The following CALN1 variants were observed in gnomAD, a reference collection of about 807,000 sequenced individuals.
The protein encoded by CALN1 is calcium-binding protein 8.
CALN1 carries 17 observed loss-of-function variants against 30.6 expected under a neutral mutation model. The observed-to-expected ratio is 0.56, with a 90% CI of 0.38 to 0.83. The LOEUF (loss-of-function observed/expected upper bound fraction) is 0.83. Among genes scored for constraint, CALN1 ranks in the 40% least tolerant of loss-of-function variants. The pLI is 0.00. For synonymous variants in CALN1, 156 were observed against 131.4 expected (o/e 1.19, Z -1.28); for missense variants, 291 against 354.9 (o/e 0.82, Z 1.45).
chr7:72,393,923 C>G (rs1230278381), intron 2 of CALN1, among the ~76,000 whole-genome samples: 2 of 152,006 alleles, frequency 1.3e-5, no homozygotes, highest in African/African-American at 4.8e-5. Context: ...CCTCGGAGCA[C>G]TCTTAAATAT....
At chr7:72,085,668 A>C (rs894386326) in intron 4 of CALN1, among the ~76,000 whole-genome samples, 1 of 152,200 alleles carries the variant, frequency 6.6e-6, no homozygotes, top group Non-Finnish European at 1.5e-5. Context: ...GGGGTAATAG[A>C]AATGTTTTAT....
intron 1 of CALN1, among the ~76,000 whole-genome samples, chr7:72,435,015 C>G (rs1176265649): frequency 6.6e-6 from 1 of 152,136 alleles, no homozygotes; most frequent in Non-Finnish European, 1.5e-5. Flanking sequence ...TTACTTGAGG[C>G]TAGGGTTGTG....
chr7:71,935,717 G>A lies in CALN1; in HGVS notation c.501+87940C>T, dbSNP rs368252231. Among the ~76,000 whole-genome samples the A allele has an allele frequency of 9.1e-4, 139 of 151,922 alleles. 2 individuals carry two copies. Among genetic ancestry groups the A allele is most frequent in the African/African-American group, 2.8e-3 (116 of 41,522 alleles). On this transcript the variant is annotated intron_variant, in intron 5 of 6. Transcript: ENST00000395275. ...GCCTGGGCAACAAGAGCGAAACTCC[G>A]TCTCAAAAAACAGAAACAAAAAACA... is the stretch of plus-strand genomic sequence containing the variant.
At chr7:72,484,533 C>T in the CALN1 span, among the ~76,000 whole-genome samples, 2 of 152,170 alleles carry the variant, frequency 1.3e-5, no homozygotes, top group South Asian at 2.1e-4. Flanking sequence ...CAGTCCCCAC[C>T]GCCCGCCCCC....
At chr7:72,195,840 C>T (rs1437877990) in intron 3 of CALN1, among the ~76,000 whole-genome samples, 8 of 151,992 alleles carry the variant, frequency 5.3e-5, no homozygotes, top group African/African-American at 1.4e-4. Flanking sequence ...ATTTAGTCCA[C>T]GAATTGAAAA....
chr7:72,383,980 C>CT (rs1805060991), intron 2 of CALN1, among the ~76,000 whole-genome samples: 1 of 152,220 alleles, frequency 6.6e-6, no homozygotes, highest in East Asian at 1.9e-4. Context: ...AATCATTCTA[C>CT]TATAAAGACA....
At chr7:72,222,581 T>C (rs372088393) in intron 3 of CALN1, among the ~76,000 whole-genome samples, 6 of 152,142 alleles carry the variant, frequency 3.9e-5, no homozygotes, top group South Asian at 2.1e-4. Flanking sequence ...GGGATTACAA[T>C]TGAACATGAG....
At chr7:72,402,567 C>G (rs1440776169) in intron 2 of CALN1, among the ~76,000 whole-genome samples, 1 of 152,162 alleles carries the variant, frequency 6.6e-6, no homozygotes, top group Non-Finnish European at 1.5e-5. Context: ...GTGTTCTATA[C>G]CAAACCACAC....
intron 5 of CALN1, among the ~76,000 whole-genome samples, chr7:71,979,215 A>G (rs1798260946): frequency 6.6e-6 from 1 of 152,156 alleles, no homozygotes; most frequent in Non-Finnish European, 1.5e-5. Context: ...AATTTTTCCT[A>G]GGACTGGGGA....
chr7:72,224,673 C>T (rs374875908), intron 3 of CALN1, among the ~76,000 whole-genome samples: 1 of 151,690 alleles, frequency 6.6e-6, no homozygotes, highest in Non-Finnish European at 1.5e-5. Flanking sequence ...CCCAGCTACT[C>T]GGGAGGCTGA....
At chr7:71,975,467 C>T (rs879449787) in intron 5 of CALN1, among the ~76,000 whole-genome samples, 19 of 152,000 alleles carry the variant, frequency 1.3e-4, no homozygotes, top group African/African-American at 3.9e-4. Context: ...TGTTCTGTTG[C>T]CCGGGCTAGA....
chr7:71,915,886 T>G (rs755394266), intron 5 of CALN1, among the ~76,000 whole-genome samples: 5 of 152,134 alleles, frequency 3.3e-5, no homozygotes, highest in African/African-American at 1.2e-4. Context: ...CTCCCAGGAT[T>G]AGAGGCACCA....
At chr7:72,275,583 G>C (rs1031609840) in intron 3 of CALN1, among the ~76,000 whole-genome samples, 2 of 152,118 alleles carry the variant, frequency 1.3e-5, no homozygotes, top group Non-Finnish European at 2.9e-5. Context: ...CCCTTCCCCA[G>C]GCTGAGAGCC....
At chr7:71,811,407 CTA>C (rs1787950008) in intron 5 of CALN1, among the ~76,000 whole-genome samples, 1 of 150,970 alleles carries the variant, frequency 6.6e-6, no homozygotes, top group Non-Finnish European at 1.5e-5. Context: ...CAAGGTCTTG[CTA>C]TGTTTCCCAG....
intron 3 of CALN1, among the ~76,000 whole-genome samples, chr7:72,162,583 A>G (rs2129544917): frequency 6.6e-6 from 1 of 151,984 alleles, no homozygotes; most frequent in South Asian, 2.1e-4. Context: ...AAAATACAAA[A>G]AAAAAATTAG....
intron 4 of CALN1, among the ~76,000 whole-genome samples, chr7:72,051,181 CA>C (rs1183296673): frequency 1.3e-5 from 2 of 151,596 alleles, no homozygotes; most frequent in Non-Finnish European, 2.9e-5. Flanking sequence ...ATATGATATG[CA>C]TTGTATCAAA....
In CALN1 at chr7:72,301,582, T is replaced by C. The variant is rs542490379; in HGVS notation, c.120-22772A>G. 3.8e-4 allele frequency among the ~76,000 whole-genome samples: 46 copies of C among 121,826 alleles called. No homozygotes were observed. In the South Asian group the frequency reaches 0.012, roughly 32 times the overall value. 79.9% of individuals were successfully genotyped at this position (121,826 alleles called of 152,430 possible). A position where few individuals can be genotyped will look rare whatever the true frequency, so the allele number is the denominator to read the frequency against. On this transcript the variant is annotated intron_variant, in intron 2 of 6. Coordinates refer to ENST00000395275, the MANE Select transcript of CALN1 (RefSeq NM_031468.4). Reference sequence around the variant, plus strand: ...GAGATCACGCCACTGTACTCCAGCCTGGGCGACAGAGCAAAGACTTTGTCT... The same window carrying C: ...GAGATCACGCCACTGTACTCCAGCCCGGGCGACAGAGCAAAGACTTTGTCT...
intron 1 of CALN1, among the ~76,000 whole-genome samples, chr7:72,437,525 A>AGTGTGTGTGTGTGTGTGTGT (rs9297115): frequency 2.7e-5 from 4 of 150,638 alleles, no homozygotes; most frequent in Non-Finnish European, 4.4e-5. Context: ...AGTTGTGTGG[A>AGTGTGTGTGTGTGTGTGTGT]GTGTGTGTGT....
At chr7:72,171,558 A>C (rs973234928) in intron 3 of CALN1, among the ~76,000 whole-genome samples, 16 of 152,230 alleles carry the variant, frequency 1.1e-4, no homozygotes, top group African/African-American at 3.6e-4. Context: ...TGAAGGAAAA[A>C]CATCTGAAAA....
Sources: allele counts gnomAD v4.1 joint callset (sites outside exome capture counted in the v4.1 genomes callset), GRCh38; gene constraint gnomAD v4.1.1; transcripts MANE v1.5; gene names NCBI Gene and HGNC (gene_info 2026-07-23, HGNC 2026-07-21).